CHIA: variants seen among roughly 807,000 people sequenced by gnomAD.
CHIA encodes the protein acidic mammalian chitinase.
A neutral mutation model predicts 53.5 loss-of-function variants in CHIA; 47 were observed. That is an observed-to-expected ratio of 0.88 (90% CI 0.70 to 1.12). The LOEUF (loss-of-function observed/expected upper bound fraction) is 1.12. Ranked by LOEUF, CHIA falls within the 50% of genes most tolerant of loss-of-function variation. The probability of loss-of-function intolerance (pLI) is 0.00; values close to 1 mark genes in which losing one functional copy is unlikely to be tolerated. For missense variants in CHIA, 652 were observed against 592.2 expected (o/e 1.10, Z -1.05); for synonymous variants, 268 against 222.2 (o/e 1.21, Z -1.83).
intron 1 of CHIA, among the ~76,000 whole-genome samples, chr1:111,307,542 G>T (rs188837619): frequency 6.6e-6 from 1 of 152,080 alleles, no homozygotes. Context: ...TACTCCAGGG[G>T]AATGAGGAGC....
At chr1:111,306,253 G>T (rs1232407611) in intron 1 of CHIA, among the ~76,000 whole-genome samples, 1 of 152,172 alleles carries the variant, frequency 6.6e-6, no homozygotes, top group East Asian at 1.9e-4. Context: ...AGAAAACTAA[G>T]GCATTCCTGA....
intron 1 of CHIA, among the ~76,000 whole-genome samples, chr1:111,306,200 TG>T (rs1330504128): frequency 6.6e-6 from 1 of 152,200 alleles, no homozygotes; most frequent in African/African-American, 2.4e-5. Context: ...GGGTTTCTTA[TG>T]GGATTTTTAT....
chr1:111,314,979 A>C, intron 5 of CHIA: 1 of 422,250 alleles, frequency 2.4e-6, no homozygotes, highest in Non-Finnish European at 4.2e-6. Flanking sequence ...TGGAGGGTAC[A>C]TGTTTGGGGA....
In CHIA at chr1:111,315,152, T is replaced by C. The variant is rs143197279; in HGVS notation, c.315-118T>C. On this transcript the variant is annotated intron_variant, in intron 5 of 11. Coordinates refer to ENST00000369740, the MANE Select transcript of CHIA (RefSeq NM_201653.4). Reference sequence around the variant, plus strand: ...GGAGAGGAGAAAACCAAGAACATGCTTTACTCTGGGCTGTGGGTCCTGATG... The same window carrying C: ...GGAGAGGAGAAAACCAAGAACATGCCTTACTCTGGGCTGTGGGTCCTGATG... The C allele has an allele frequency of 6.5e-4, 460 of 712,974 alleles. 5 individuals carry two copies. In the East Asian group the frequency reaches 0.011, roughly 17 times the overall value. 44.2% of individuals were successfully genotyped at this position (712,974 alleles called of 1,614,324 possible).
At chr1:111,320,123 A>T (rs1571308817) in intron 11 of CHIA, 90 bp from the exon 12 acceptor site, 1 of 1,222,436 alleles carries the variant, frequency 8.2e-7, no homozygotes, top group African/African-American at 1.5e-5. Flanking sequence ...CCACCTCCAC[A>T]CTTCCACTCC....
intron 1 of CHIA, among the ~76,000 whole-genome samples, chr1:111,307,817 T>A (rs1648313318): frequency 6.6e-6 from 1 of 152,062 alleles, no homozygotes; most frequent in Non-Finnish European, 1.5e-5. Flanking sequence ...AATTTTTGTA[T>A]TTTTAGTAGA....
chr1:111,317,876 G>A, intron 7 of CHIA, 71 bp downstream of exon 7: 2 of 1,610,542 alleles, frequency 1.2e-6, no homozygotes, highest in South Asian at 2.2e-5. Flanking sequence ...CCTTGGTCTG[G>A]CTTGCTATTC....
At chr1:111,316,896 G>A (rs1178434565) in intron 6 of CHIA, 3 of 152,132 alleles carry the variant, frequency 2.0e-5, no homozygotes, top group Admixed American at 2.0e-4. Context: ...CTCTTTCTTG[G>A]CTGGAACATG....
chr1:111,298,218 T>A (rs959564296), intron 1 of CHIA, among the ~76,000 whole-genome samples: 5 of 152,174 alleles, frequency 3.3e-5, no homozygotes, highest in African/African-American at 1.2e-4. Context: ...ATCCAGGACT[T>A]GAACTCAGCT....
At chr1:111,294,278 T>C (rs906558935) in intron 1 of CHIA, among the ~76,000 whole-genome samples, 1 of 152,242 alleles carries the variant, frequency 6.6e-6, no homozygotes, top group African/African-American at 2.4e-5. Flanking sequence ...GTCTTTCACT[T>C]CATTAAGTTA....
chr1:111,314,575 G>T lies in CHIA; in HGVS notation c.293G>T (p.Gly98Val), dbSNP rs1266342181. The T allele has an allele frequency of 6.2e-7, 1 of 1,613,584 alleles. No individual in the cohort carries two copies. Among genetic ancestry groups the T allele is most frequent in the Non-Finnish European group, 8.5e-7 (1 of 1,179,518 alleles). The change falls in exon 5 of 12, where the codon GGC (glycine) becomes GTC (valine). Residue 98 changes from glycine to valine, a missense_variant. Transcript: ENST00000369740. Reference protein sequence around the residue: ...SQLKTLLAIGGWNFGTAPFTA... With the variant: ...SQLKTLLAIGVWNFGTAPFTA... The stretch of plus-strand genomic sequence containing the variant: ...CTGAAAACTCTCCTGGCCATTGGAG[G>T]CTGGAACTTCGGGACTGCCCCGTAA...
At chr1:111,317,834 C>G (rs777921521) in intron 7 of CHIA, 29 bp downstream of exon 7, 9 of 1,613,456 alleles carry the variant, frequency 5.6e-6, no homozygotes, top group South Asian at 4.4e-5. Flanking sequence ...CTTCAAACTC[C>G]TGGAGGTGTC....
chr1:111,295,284 G>T (rs1441974329), intron 1 of CHIA, among the ~76,000 whole-genome samples: 1 of 152,164 alleles, frequency 6.6e-6, no homozygotes, highest in Admixed American at 6.5e-5. Flanking sequence ...AGGCTCAAGT[G>T]ATTCTCCTAC....
At chr1:111,317,528 T>A in intron 6 of CHIA, 153 bp from the exon 7 acceptor site, 2 of 779,140 alleles carry the variant, frequency 2.6e-6, no homozygotes, top group South Asian at 3.6e-5. Context: ...CTATCCGATC[T>A]ACTTTATTTG....
chr1:111,320,383 T>C lies in CHIA; in HGVS notation c.1348T>C (p.Cys450Arg), dbSNP rs1433141069. ...AAATAACAGAAATGCCTTCTGGCAC[T>C]GCGTGAATGGAGTCACGTACCAGCA... ...VANNRNAFWH[C>R]VNGVTYQQNC... Residue 450 changes from cysteine to arginine, a missense_variant, in exon 12 of 12, where the codon TGC becomes CGC. Physicochemically the swap from Cys to Arg is radical, Grantham distance 180. Coordinates refer to ENST00000369740, the MANE Select transcript of CHIA (RefSeq NM_201653.4). The C allele has an allele frequency of 6.2e-7, 1 of 1,614,218 alleles. No individual in the cohort carries two copies. The highest frequency in any genetic ancestry group is 8.5e-7 in the Non-Finnish European group (1 of 1,180,042).
chr1:111,294,502 G>A (rs1056470324), intron 1 of CHIA, among the ~76,000 whole-genome samples: 3 of 152,066 alleles, frequency 2.0e-5, no homozygotes, highest in Admixed American at 2.0e-4. Context: ...CATCTGCAGG[G>A]ACAATTTTAC....
chr1:111,304,318 T>C (rs901804147), intron 1 of CHIA, among the ~76,000 whole-genome samples: 1 of 152,214 alleles, frequency 6.6e-6, no homozygotes, highest in African/African-American at 2.4e-5. Flanking sequence ...TTTTAAAATA[T>C]TCTGTCTGCT....
At chr1:111,314,724 A>T (rs1188037732) in intron 5 of CHIA, 128 bp downstream of exon 5, 1 of 612,536 alleles carries the variant, frequency 1.6e-6, no homozygotes, top group African/African-American at 1.9e-5. Context: ...CAAATATATG[A>T]ATTAAATATA....
chr1:111,292,951 T>C (rs957242353), intron 1 of CHIA, among the ~76,000 whole-genome samples: 4 of 152,354 alleles, frequency 2.6e-5, no homozygotes, highest in African/African-American at 9.6e-5. Flanking sequence ...CTTTATTGTA[T>C]GTATATATAA....
Sources: allele counts gnomAD v4.1 joint callset (sites outside exome capture counted in the v4.1 genomes callset), GRCh38; gene constraint gnomAD v4.1.1; transcripts MANE v1.5; gene names NCBI Gene and HGNC (gene_info 2026-07-23, HGNC 2026-07-21).